The following TLN2 variants were observed in gnomAD, a reference collection of about 807,000 sequenced individuals.
TLN2 encodes the protein talin-2.
Under a neutral mutation model 294.7 loss-of-function variants are expected in TLN2, and 118 were observed. That is an observed-to-expected ratio of 0.40 (90% CI 0.34 to 0.47). TLN2 has a LOEUF of 0.47. TLN2 is among the 20% of genes least tolerant of loss of function. TLN2 has a pLI of 0.84. For missense variants in TLN2, 3,083 were observed against 3,282.2 expected, an observed-to-expected ratio of 0.94 and a Z score of 1.48; for synonymous variants, 1,431 against 1,304.5, an observed-to-expected ratio of 1.10 and a Z score of -2.09.
intron 1 of TLN2, among the ~76,000 whole-genome samples, chr15:62,538,401 C>T (rs1276003199): frequency 1.3e-5 from 2 of 152,164 alleles, no homozygotes; most frequent in Non-Finnish European, 2.9e-5. Context: ...CTATTGTCAT[C>T]AATACTTTGC....
chr15:62,701,151 G>A lies in TLN2; in HGVS notation c.1633G>A (p.Glu545Lys), dbSNP rs776746143. The A allele has an allele frequency of 4.3e-6, 7 of 1,613,984 alleles. No homozygotes were observed. The highest frequency in any genetic ancestry group is 5.9e-6 in the Non-Finnish European group (7 of 1,180,026). The change falls in exon 17 of 59, where the codon GAA becomes AAA. Residue 545 changes from glutamate to lysine, a missense_variant. Coordinates refer to ENST00000636159, the MANE Select transcript of TLN2 (RefSeq NM_015059.3). ...VQNKVDESKHEIHSQVDAITA... is the reference protein window; with the variant it reads ...VQNKVDESKHKIHSQVDAITA... ...GAACAAAGTCGACGAATCCAAACAC[G>A]AAATCCATTCTCAAGTTGATGCTAT... is the stretch of plus-strand genomic sequence containing the variant.
intron 45 of TLN2, among the ~76,000 whole-genome samples, chr15:62,786,309 C>T (rs1383502905): frequency 6.6e-6 from 1 of 152,176 alleles, no homozygotes; most frequent in Non-Finnish European, 1.5e-5. Flanking sequence ...GTCCGCTATG[C>T]AAGGTCAGCA....
Position 62,702,834 on chromosome 15 carries a change from T to C in TLN2, c.1974T>C (p.Ile658=). ...GQASGDLLRQ[I]GENETDERFQ... ...CCAGTGGGGATCTTCTGAGACAGAT[T>C]GGAGAGAATGAGACTGATGAGCGAT... The change falls in exon 19 of 59, where the codon ATT becomes ATC. Residue 658 remains isoleucine, a synonymous_variant. Transcript: ENST00000636159. 6.2e-7 allele frequency: 1 copy of C among 1,614,170 alleles called. No individual in the cohort carries two copies. Among genetic ancestry groups the C allele is most frequent in the Non-Finnish European group, 8.5e-7 (1 of 1,180,022 alleles).
intron 1 of TLN2, among the ~76,000 whole-genome samples, chr15:62,450,028 T>G (rs2036012260): frequency 6.6e-6 from 1 of 152,178 alleles, no homozygotes; most frequent in Non-Finnish European, 1.5e-5. Context: ...AAACCTTCAG[T>G]AGCTCTCAGT....
At chr15:62,745,091 C>T (rs1168736672) in intron 32 of TLN2, among the ~76,000 whole-genome samples, 1 of 152,190 alleles carries the variant, frequency 6.6e-6, no homozygotes, top group Non-Finnish European at 1.5e-5. Context: ...CTACTTAAAA[C>T]TTCCAGCCAG....
rs200373379 is a variant in TLN2 at position 62,800,352 on chromosome 15, C to T, written c.6235-16C>T. On this transcript the variant is annotated splice_polypyrimidine_tract_variant and intron_variant, in intron 48 of 58. Transcript: ENST00000636159. ...ATCTTGACGCCTGCTCACCTGAGTT[C>T]TGTGCTCTCTTTCAGGTGGTTTTGA... is the stretch of plus-strand genomic sequence containing the variant. The T allele has an allele frequency of 1.9e-6, 3 of 1,612,156 alleles. No individual in the cohort carries two copies. In the African/African-American group the frequency reaches 4.0e-5, roughly 22 times the overall value.
chr15:62,544,475 C>T (rs12901616), intron 1 of TLN2, among the ~76,000 whole-genome samples: 10,525 of 152,200 alleles, frequency 0.069, 521 homozygotes, highest in Non-Finnish European at 0.1. Context: ...TGGCTTGTTT[C>T]CACAGACACC....
intron 48 of TLN2, among the ~76,000 whole-genome samples, chr15:62,798,022 T>A (rs1233061463): frequency 6.6e-6 from 1 of 152,128 alleles, no homozygotes; most frequent in Non-Finnish European, 1.5e-5. Flanking sequence ...GCGGGCATCA[T>A]GTTGCCAGGA....
Position 62,697,689 on chromosome 15 carries a change from T to A in TLN2, c.1294T>A (p.Ser432Thr). The part of the protein sequence containing the change: ...MLEESVSPKK[S>T]TILQQQFNRT... ...TGACCAAACCACTTTTCCCGGCAGG[T>A]CCACCATCTTGCAGCAGCAGTTCAA... Residue 432 changes from serine (S) to threonine (T), a missense_variant and splice_region_variant, in exon 15 of 59, where the codon TCC becomes ACC. By Grantham distance (58) the Ser-to-Thr change is moderately conservative. Coordinates refer to ENST00000636159, the MANE Select transcript of TLN2 (RefSeq NM_015059.3). 6.3e-7 allele frequency: 1 copy of A among 1,595,508 alleles called. No individual in the cohort carries two copies. The highest frequency in any genetic ancestry group is 8.6e-7 in the Non-Finnish European group (1 of 1,166,674).
intron 1 of TLN2, among the ~76,000 whole-genome samples, chr15:62,541,402 T>C (rs1450991720): frequency 6.6e-6 from 1 of 152,212 alleles, no homozygotes; most frequent in Non-Finnish European, 1.5e-5. Context: ...CCTATTCTGT[T>C]TCCGGCCTGG....
chr15:62,686,667 G>C lies in TLN2; in HGVS notation c.984G>C (p.Leu328=), dbSNP rs1596718206. The part of the protein sequence containing the change: ...VKEKMKGKNK[L]VPRLLGITKD... ...AGAAGATGAAAGGCAAGAACAAGCT[G>C]GTGCCTCGCCTGCTGGGGATCACCA... is the stretch of plus-strand genomic sequence containing the variant. Residue 328 remains leucine, a synonymous_variant, in exon 12 of 59, where the codon CTG becomes CTC. Coordinates refer to ENST00000636159, the MANE Select transcript of TLN2 (RefSeq NM_015059.3). The C allele has an allele frequency of 3.3e-5, 54 of 1,613,742 alleles. No individual in the cohort carries two copies. The highest frequency in any genetic ancestry group is 4.6e-5 in the Non-Finnish European group (54 of 1,179,814).
chr15:62,626,358 T>A (rs2140874418), intron 3 of TLN2, among the ~76,000 whole-genome samples: 1 of 152,348 alleles, frequency 6.6e-6, no homozygotes, highest in African/African-American at 2.4e-5. Flanking sequence ...TTGCCTGGAA[T>A]AATCGCATAA....
chr15:62,834,309 G>C (rs2069222243), intron 55 of TLN2: 1 of 152,124 alleles, frequency 6.6e-6, no homozygotes, highest in Non-Finnish European at 1.5e-5. Context: ...TCCACGACTG[G>C]CTTTCAGAGA....
At chr15:62,625,641 G>A (rs1388567452) in intron 3 of TLN2, among the ~76,000 whole-genome samples, 2 of 152,156 alleles carry the variant, frequency 1.3e-5, no homozygotes, top group Non-Finnish European at 2.9e-5. Flanking sequence ...GGGAACTCCC[G>A]CAGCATATGT....
intron 1 of TLN2, among the ~76,000 whole-genome samples, chr15:62,502,428 T>C (rs1458679831): frequency 3.3e-5 from 5 of 152,312 alleles, no homozygotes; most frequent in Middle Eastern, 3.4e-3. Context: ...GGACAAGCAC[T>C]GGGAGGGGAG....
intron 45 of TLN2, among the ~76,000 whole-genome samples, chr15:62,787,250 C>G (rs1411390551): frequency 6.6e-6 from 1 of 152,166 alleles, no homozygotes; most frequent in Non-Finnish European, 1.5e-5. Flanking sequence ...CTTGCCTTTT[C>G]AACTTTCACA....
At chr15:62,596,039 G>T (rs1320365384) in intron 2 of TLN2, among the ~76,000 whole-genome samples, 2 of 152,124 alleles carry the variant, frequency 1.3e-5, no homozygotes, top group Non-Finnish European at 2.9e-5. Flanking sequence ...ACTTTGGGAG[G>T]CCGAGGCAGG....
chr15:62,814,600 A>G (rs1359179785), intron 52 of TLN2, among the ~76,000 whole-genome samples: 1 of 152,220 alleles, frequency 6.6e-6, no homozygotes, highest in East Asian at 1.9e-4. Flanking sequence ...TCATGTTCAT[A>G]TATTTTTTTC....
chr15:62,729,626 A>G (rs2060612642), intron 28 of TLN2, among the ~76,000 whole-genome samples: 1 of 152,100 alleles, frequency 6.6e-6, no homozygotes, highest in African/African-American at 2.4e-5. Flanking sequence ...TCATGCTTAT[A>G]TTTAATGGAT....
Sources: allele counts gnomAD v4.1 joint callset (sites outside exome capture counted in the v4.1 genomes callset), GRCh38; gene constraint gnomAD v4.1.1; transcripts MANE v1.5; gene names NCBI Gene and HGNC (gene_info 2026-07-23, HGNC 2026-07-21).